LRPPRC: variants seen among roughly 807,000 people sequenced by gnomAD.
LRPPRC encodes leucine rich pentatricopeptide repeat containing, also known as leucine-rich PPR motif-containing protein, mitochondrial.
In LRPPRC, 120 loss-of-function variants were observed where a neutral mutation model predicts 180.3. The observed-to-expected ratio is 0.67, with a 90% CI of 0.57 to 0.77. The LOEUF is 0.77. Ranked by LOEUF, LRPPRC falls within the 30% of genes least tolerant of loss-of-function variation. The probability of loss-of-function intolerance (pLI) is 0.00; values close to 1 mark genes in which losing one functional copy is unlikely to be tolerated. For synonymous variants in LRPPRC, 723 were observed against 600.0 expected, an observed-to-expected ratio of 1.21 and a Z score of -3.00; for missense variants, 2,012 against 1,657.2, an observed-to-expected ratio of 1.21 and a Z score of -3.72.
At chr2:43,975,974 T>C (rs1674037004) in intron 6 of LRPPRC, among the ~76,000 whole-genome samples, 169 bp downstream of exon 6, 1 of 152,240 alleles carries the variant, frequency 6.6e-6, no homozygotes, top group Non-Finnish European at 1.5e-5. Flanking sequence ...CTCTACCTCA[T>C]ATACTACAGA....
At chr2:43,934,448 G>A in intron 24 of LRPPRC, 152 bp from the exon 25 acceptor site, 2 of 611,134 alleles carry the variant, frequency 3.3e-6, no homozygotes, top group African/African-American at 1.9e-5. Flanking sequence ...GACTAATTAA[G>A]TACCTAACAG....
intron 1 of LRPPRC, among the ~76,000 whole-genome samples, chr2:43,993,890 C>T (rs1674899468): frequency 1.3e-5 from 2 of 151,932 alleles, no homozygotes; most frequent in Non-Finnish European, 2.9e-5. Flanking sequence ...AAGAAAGCAA[C>T]TTTACAAAGA....
At chr2:43,973,962 CA>C in intron 9 of LRPPRC, 62 bp from the exon 10 acceptor site, 1 of 1,164,832 alleles carries the variant, frequency 8.6e-7, no homozygotes. Context: ...TGACCTGCTG[CA>C]AATATTCTAC....
intron 25 of LRPPRC, among the ~76,000 whole-genome samples, chr2:43,927,435 G>A (rs1330143413): frequency 6.6e-6 from 1 of 152,152 alleles, no homozygotes; most frequent in Non-Finnish European, 1.5e-5. Flanking sequence ...TGGGATACAA[G>A]AAATCAATGA....
At chr2:43,889,314 C>CAAAAAAAAAAAAAAAAAAAAAAA (rs780032604) in intron 37 of LRPPRC, among the ~76,000 whole-genome samples, 1 of 38,340 alleles carries the variant, frequency 2.6e-5, no homozygotes, top group African/African-American at 1.4e-4. Context: ...GACTCCATCT[C>CAAAAAAAAAAAAAAAAAAAAAAA]AAAAAAAAAA....
At chr2:43,936,215 C>T (rs1294747091) in intron 23 of LRPPRC, among the ~76,000 whole-genome samples, 1 of 152,124 alleles carries the variant, frequency 6.6e-6, no homozygotes, top group Non-Finnish European at 1.5e-5. Flanking sequence ...ACTAAGGCTA[C>T]CAGGTAAACA....
Position 43,946,097 on chromosome 2 carries a change from G to C in LRPPRC, c.2210+16C>G, listed in dbSNP as rs373393565. 3.2e-5 allele frequency: 51 copies of C among 1,611,354 alleles called. No individual in the cohort carries two copies. The African/African-American group carries it at 5.7e-4, about 18-fold the overall frequency. On this transcript the variant is annotated intron_variant, in intron 21 of 37. Coordinates refer to ENST00000260665, the MANE Select transcript of LRPPRC (RefSeq NM_133259.4). ...GAATAAATGTTGACAACTTGTTTCAGTGCCAGGGTACTCACAATTCTTCTT... is the reference window on the plus strand; with the variant it reads ...GAATAAATGTTGACAACTTGTTTCACTGCCAGGGTACTCACAATTCTTCTT...
At position 43,886,517 on chromosome 2, in the gene LRPPRC, AC is replaced by A. The variant is rs557605901; in HGVS notation, c.*2082del. 1.4e-4 allele frequency: 22 copies of A among 152,228 alleles called. No individual in the cohort carries two copies. The highest frequency in any genetic ancestry group is 1.9e-4 in the African/African-American group (8 of 41,456). 9.4% of individuals were successfully genotyped at this position (152,228 alleles called of 1,614,324 possible). A position where few individuals can be genotyped will look rare whatever the true frequency, so the allele number is the denominator to read the frequency against. On this transcript the variant is annotated 3_prime_UTR_variant, in exon 38 of 38. Transcript: ENST00000260665. Reference sequence around the variant, plus strand: ...TATTCAATAGGGGAATCAATACAATACAAAAGATATTTGAACAGCTAGTCCT... The same window carrying A: ...TATTCAATAGGGGAATCAATACAATAAAAAGATATTTGAACAGCTAGTCCT...
chr2:43,995,512 CT>C (rs1203926749), intron 1 of LRPPRC, among the ~76,000 whole-genome samples: 1 of 152,248 alleles, frequency 6.6e-6, no homozygotes, highest in East Asian at 1.9e-4. Flanking sequence ...CCCCCCTCAT[CT>C]TCGTTGACCA....
chr2:43,977,288 A>G lies in LRPPRC; in HGVS notation c.470-12T>C. 6.3e-7 allele frequency: 1 copy of G among 1,594,494 alleles called. No homozygotes were observed. On this transcript the variant is annotated splice_polypyrimidine_tract_variant and intron_variant, in intron 3 of 37. Coordinates refer to ENST00000260665, the MANE Select transcript of LRPPRC (RefSeq NM_133259.4). ...ATCATACACAGCACCTACAAATGAA[A>G]TTTAAAATGAATTTTTAGAAAAGCA...
chr2:43,980,410 G>A (rs1674249599), intron 2 of LRPPRC, among the ~76,000 whole-genome samples: 2 of 152,116 alleles, frequency 1.3e-5, no homozygotes, highest in East Asian at 1.9e-4. Context: ...AAAATTAGCT[G>A]GGCGAGATGG....
chr2:43,938,196 A>T (rs1179251954), intron 23 of LRPPRC, among the ~76,000 whole-genome samples: 1 of 151,966 alleles, frequency 6.6e-6, no homozygotes, highest in Non-Finnish European at 1.5e-5. Flanking sequence ...TAAAAAAAAA[A>T]ATCAAGACAC....
At chr2:43,995,604 G>A (rs1675013693) in intron 1 of LRPPRC, among the ~76,000 whole-genome samples, 195 bp downstream of exon 1, 2 of 152,242 alleles carry the variant, frequency 1.3e-5, no homozygotes, top group South Asian at 2.1e-4. Context: ...GCCCACAGCC[G>A]TGACCTTCTG....
chr2:43,967,290 C>A (rs1673601181), intron 11 of LRPPRC, among the ~76,000 whole-genome samples: 1 of 152,060 alleles, frequency 6.6e-6, no homozygotes, highest in Non-Finnish European at 1.5e-5. Context: ...TGTGGTCCCA[C>A]TGAGGCTGAG....
At chr2:43,967,365 T>C (rs142923760) in intron 11 of LRPPRC, among the ~76,000 whole-genome samples, 89 of 150,574 alleles carry the variant, frequency 5.9e-4, no homozygotes, top group East Asian at 2.5e-3. Flanking sequence ...CAAAACATCA[T>C]GTTGTTTATC....
intron 30 of LRPPRC, among the ~76,000 whole-genome samples, chr2:43,910,193 C>G (rs913465029): frequency 6.6e-6 from 1 of 151,778 alleles, no homozygotes; most frequent in Admixed American, 6.6e-5. Context: ...ATGCACACTG[C>G]ATGAACACTC....
At chr2:43,926,004 G>C (rs753262600) in intron 25 of LRPPRC, 43 bp from the exon 26 acceptor site, 2 of 1,131,698 alleles carry the variant, frequency 1.8e-6, no homozygotes, top group East Asian at 2.3e-5. Context: ...GTAAGGCTTC[G>C]GCTGAATATT....
intron 23 of LRPPRC, among the ~76,000 whole-genome samples, chr2:43,939,280 A>AAAAAAT (rs71393216): frequency 2.0e-5 from 3 of 151,372 alleles, no homozygotes; most frequent in South Asian, 2.1e-4. Flanking sequence ...CTCCGTCTCA[A>AAAAAAT]AAAAATAAAA....
At chr2:43,941,832 T>A (rs1672491084) in intron 23 of LRPPRC, among the ~76,000 whole-genome samples, 4 of 91,180 alleles carry the variant, frequency 4.4e-5, no homozygotes, top group Admixed American at 1.4e-4. Context: ...ATTAGCAAAG[T>A]AGTCTAAAAA....
Sources: allele counts gnomAD v4.1 joint callset (sites outside exome capture counted in the v4.1 genomes callset), GRCh38; gene constraint gnomAD v4.1.1; transcripts MANE v1.5; gene names NCBI Gene and HGNC (gene_info 2026-07-23, HGNC 2026-07-21).